Variants in TMEM19 observed in about 807,000 individuals in gnomAD.
TMEM19 encodes transmembrane protein 19.
Under a neutral mutation model 33.6 loss-of-function variants are expected in TMEM19, and 21 were observed. The observed-to-expected ratio is 0.62, with a 90% CI of 0.44 to 0.90. The LOEUF is 0.90. TMEM19 is among the 40% of genes least tolerant of loss of function. The pLI, the probability that TMEM19 is intolerant of heterozygous loss-of-function variation, is 0.00. For synonymous variants in TMEM19, 149 were observed against 147.5 expected (o/e 1.01, Z -0.07); for missense variants, 402 against 401.8 (o/e 1.00, Z 0.00).
intron 1 of TMEM19, among the ~76,000 whole-genome samples, chr12:71,687,071 G>A (rs895142049): frequency 1.3e-5 from 2 of 150,814 alleles, no homozygotes; most frequent in African/African-American, 4.9e-5. Context: ...CCTCTGTGTT[G>A]CTAGGCTGGT....
Position 71,697,403 on chromosome 12 carries a change from C to A in TMEM19, c.506C>A (p.Ala169Asp), listed in dbSNP as rs767422757. ...GTCGATTTTTCCAAGCAGTACTCCG[C>A]TTCCTGGATGTGTTTGTCTCTCTTG... ...IPVDFSKQYSASWMCLSLLAA... is the reference protein window; with the variant it reads ...IPVDFSKQYSDSWMCLSLLAA... Residue 169 changes from alanine to aspartate, a missense_variant, in exon 4 of 6, where the codon GCT (alanine) becomes GAT (aspartate). Ala to Asp is a moderately radical substitution (Grantham distance 126). Transcript: ENST00000266673. 22 of 1,611,048 alleles carry A rather than the reference C, an allele frequency of 1.4e-5. No individual in the cohort carries two copies. Among genetic ancestry groups the A allele is most frequent in the Middle Eastern group, 1.6e-4 (1 of 6,078 alleles).
Position 71,701,036 on chromosome 12 carries a change from CT to C in TMEM19, c.*42del. On this transcript the variant is annotated 3_prime_UTR_variant, in exon 6 of 6. Coordinates refer to ENST00000266673, the MANE Select transcript of TMEM19 (RefSeq NM_018279.4). ...CACAGGTTGAAACTGGTGAGTCCAG[CT>C]AAATTTGCAATTCCAACTTTCATCC... is the stretch of plus-strand genomic sequence containing the variant. The C allele has an allele frequency of 6.7e-7, 1 of 1,499,208 alleles. No homozygotes were observed. The highest frequency in any genetic ancestry group is 8.9e-7 in the Non-Finnish European group (1 of 1,119,660). 92.9% of individuals were successfully genotyped at this position (1,499,208 alleles called of 1,614,324 possible).
In TMEM19 at chr12:71,704,975, G is replaced by C. The variant is rs1302181434; in HGVS notation, c.*3980G>C. On this transcript the variant is annotated 3_prime_UTR_variant, in exon 6 of 6. Transcript: ENST00000266673. ...ATTAAGTTGTTTGACTCTAATCATT[G>C]TTTCTTTTAAGAATGACTGGAAGGT... is the stretch of plus-strand genomic sequence containing the variant. The C allele has an allele frequency of 1.3e-5, 2 of 152,112 alleles. No homozygotes were observed. Among genetic ancestry groups the C allele is most frequent in the African/African-American group, 4.8e-5 (2 of 41,410 alleles). 9.4% of individuals were successfully genotyped at this position (152,112 alleles called of 1,614,324 possible).
Position 71,703,832 on chromosome 12 carries a change from C to A in TMEM19, c.*2837C>A. On this transcript the variant is annotated 3_prime_UTR_variant, in exon 6 of 6. Transcript: ENST00000266673. Reference sequence around the variant, plus strand: ...CAAGCTTTGTAAATAAACTGGTTTTCATAGCTTTTTGGAGATGAGAATTGA... The same window carrying A: ...CAAGCTTTGTAAATAAACTGGTTTTAATAGCTTTTTGGAGATGAGAATTGA... 1 of 254,328 alleles carries A rather than the reference C, an allele frequency of 3.9e-6. No individual in the cohort carries two copies. 15.8% of individuals were successfully genotyped at this position (254,328 alleles called of 1,614,324 possible). A position where few individuals can be genotyped will look rare whatever the true frequency, so the allele number is the denominator to read the frequency against.
intron 2 of TMEM19, among the ~76,000 whole-genome samples, chr12:71,692,880 T>C (rs1375808661): frequency 6.6e-6 from 1 of 152,008 alleles, no homozygotes; most frequent in African/African-American, 2.4e-5. Context: ...GAACTGTTTA[T>C]CTTTTCTTCT....
chr12:71,700,298 T>C (rs909584463), intron 5 of TMEM19, among the ~76,000 whole-genome samples: 5 of 152,210 alleles, frequency 3.3e-5, no homozygotes, highest in Non-Finnish European at 7.3e-5. Flanking sequence ...TCTGATTGCA[T>C]TGAGTGGGTT....
At chr12:71,700,597 C>G (rs554858675) in intron 5 of TMEM19, among the ~76,000 whole-genome samples, 1 of 152,244 alleles carries the variant, frequency 6.6e-6, no homozygotes, top group East Asian at 1.9e-4. Flanking sequence ...CATTTGTAAT[C>G]AAGGGTCCCA....
In TMEM19 at chr12:71,705,039, G is replaced by A. The variant is rs574344215; in HGVS notation, c.*4044G>A. On this transcript the variant is annotated 3_prime_UTR_variant, in exon 6 of 6. Transcript: ENST00000266673. ...ATATTCCTGGAGGAAAATACAAAAT[G>A]AAAAACCAGTTTGGCTACCTGAATT... is the stretch of plus-strand genomic sequence containing the variant. 63 of 152,240 alleles carry A rather than the reference G, an allele frequency of 4.1e-4. No individual in the cohort carries two copies. The highest frequency in any genetic ancestry group is 1.5e-3 in the African/African-American group (61 of 41,554). 9.4% of individuals were successfully genotyped at this position (152,240 alleles called of 1,614,324 possible).
intron 2 of TMEM19, 33 bp downstream of exon 2, chr12:71,689,737 A>G (rs1287362907): frequency 2.8e-6 from 4 of 1,414,982 alleles, no homozygotes; most frequent in Non-Finnish European, 4.0e-6. Context: ...TACAGTAACT[A>G]CTAAGTGCTT....
chr12:71,697,132 G>A (rs1223909957), intron 3 of TMEM19, 148 bp from the exon 4 acceptor site: 11 of 1,088,430 alleles, frequency 1.0e-5, no homozygotes, highest in Non-Finnish European at 1.4e-5. Context: ...TATAAAATCT[G>A]GGCAAATGTA....
chr12:71,688,916 T>C (rs1881737225), intron 1 of TMEM19, among the ~76,000 whole-genome samples: 2 of 152,306 alleles, frequency 1.3e-5, no homozygotes, highest in Admixed American at 1.3e-4. Context: ...AGTAAGATCC[T>C]GTTACAAAAA....
Position 71,698,846 on chromosome 12 carries a change from T to C in TMEM19, c.638-54T>C, listed in dbSNP as rs182858452. The C allele has an allele frequency of 4.1e-4, 633 of 1,551,164 alleles. 1 individual carries two copies. The African/African-American group carries it at 5.5e-3, about 14-fold the overall frequency. On this transcript the variant is annotated intron_variant, in intron 4 of 5. Transcript: ENST00000266673. ...AGATAGGTACCTTGCTGTCCTTGCCTTTATGTGTTTGCTGATTATTAACCG... is the reference window on the plus strand; with the variant it reads ...AGATAGGTACCTTGCTGTCCTTGCCCTTATGTGTTTGCTGATTATTAACCG...
chr12:71,691,679 A>G (rs1881788944), intron 2 of TMEM19, among the ~76,000 whole-genome samples: 1 of 150,212 alleles, frequency 6.7e-6, no homozygotes, highest in Admixed American at 6.7e-5. Flanking sequence ...TCCCAACTAC[A>G]CAGGAGGCTG....
chr12:71,689,083 A>G (rs1239839972), intron 1 of TMEM19, among the ~76,000 whole-genome samples: 1 of 152,212 alleles, frequency 6.6e-6, no homozygotes, highest in Non-Finnish European at 1.5e-5. Context: ...ATTCTCCAGT[A>G]AGACTGTTTC....
chr12:71,699,007 G>A lies in TMEM19; in HGVS notation c.745G>A (p.Asp249Asn). Reference sequence around the variant, plus strand: ...ACAGCTGATTTTTGTGAATGATTTAGACATTTCTGCCCCGCAGTGGCCAAT... The same window carrying A: ...ACAGCTGATTTTTGTGAATGATTTAAACATTTCTGCCCCGCAGTGGCCAAT... ...LTQLIFVNDLDISAPQWPIIA... is the reference protein window; with the variant it reads ...LTQLIFVNDLNISAPQWPIIA... Residue 249 changes from aspartate (D) to asparagine (N), a missense_variant, in exon 5 of 6, where the codon GAC (aspartate) becomes AAC (asparagine). Coordinates refer to ENST00000266673, the MANE Select transcript of TMEM19 (RefSeq NM_018279.4). 1.9e-6 allele frequency: 3 copies of A among 1,614,122 alleles called. No homozygotes were observed. The highest frequency in any genetic ancestry group is 2.5e-6 in the Non-Finnish European group (3 of 1,180,020).
chr12:71,696,462 A>G lies in TMEM19; in HGVS notation c.271A>G (p.Ile91Val), dbSNP rs1359773423. ...GCTAGTCGTTGGATTTATCCTAACC[A>G]TTGCAAATTTCAGCTTTTTTACCTC... ...GGLVVGFILT[I>V]ANFSFFTSLL... The change falls in exon 3 of 6, where the codon ATT becomes GTT. Residue 91 changes from isoleucine (I) to valine (V), a missense_variant. Ile to Val is a conservative substitution (Grantham distance 29). Transcript: ENST00000266673. 3 of 1,612,190 alleles carry G rather than the reference A, an allele frequency of 1.9e-6. No homozygotes were observed. In the South Asian group the frequency reaches 3.3e-5, roughly 18 times the overall value.
intron 2 of TMEM19, among the ~76,000 whole-genome samples, chr12:71,692,200 A>G (rs191141974): frequency 3.9e-5 from 6 of 152,346 alleles, no homozygotes; most frequent in African/African-American, 1.2e-4. Flanking sequence ...TTATACGTGA[A>G]TGACTATTAA....
At position 71,697,403 on chromosome 12, in the gene TMEM19, C is replaced by T; in HGVS notation, c.506C>T (p.Ala169Val). Residue 169 changes from alanine (A) to valine (V), a missense_variant, in exon 4 of 6, where the codon GCT (alanine) becomes GTT (valine). Physicochemically the swap from Ala to Val is moderately conservative, Grantham distance 64 (BLOSUM62 0). Coordinates refer to ENST00000266673, the MANE Select transcript of TMEM19 (RefSeq NM_018279.4). ...IPVDFSKQYS[A>V]SWMCLSLLAA... Reference sequence around the variant, plus strand: ...GTCGATTTTTCCAAGCAGTACTCCGCTTCCTGGATGTGTTTGTCTCTCTTG... The same window carrying T: ...GTCGATTTTTCCAAGCAGTACTCCGTTTCCTGGATGTGTTTGTCTCTCTTG... 6.2e-7 allele frequency: 1 copy of T among 1,611,166 alleles called. No individual in the cohort carries two copies. The highest frequency in any genetic ancestry group is 8.5e-7 in the Non-Finnish European group (1 of 1,178,918).
At chr12:71,700,213 C>T (rs139574598) in intron 5 of TMEM19, among the ~76,000 whole-genome samples, 283 of 152,316 alleles carry the variant, frequency 1.9e-3, no homozygotes, top group African/African-American at 6.0e-3. Context: ...TAACTCTACA[C>T]GCACACACAG....
Sources: allele counts gnomAD v4.1 joint callset (sites outside exome capture counted in the v4.1 genomes callset), GRCh38; gene constraint gnomAD v4.1.1; transcripts MANE v1.5; gene names NCBI Gene and HGNC (gene_info 2026-07-23, HGNC 2026-07-21).